The following ABLIM2 variants were observed in gnomAD, a reference collection of about 807,000 sequenced individuals.
ABLIM2 encodes the protein actin-binding LIM protein 2.
Under a neutral mutation model 97.7 loss-of-function variants are expected in ABLIM2, and 53 were observed. That is an observed-to-expected ratio of 0.54 (90% confidence interval 0.44 to 0.68). The LOEUF (loss-of-function observed/expected upper bound fraction) is 0.68, where lower values mean the gene tolerates loss of function less well. ABLIM2 is among the 30% of genes least tolerant of loss of function. The pLI is 0.00. For missense variants in ABLIM2, 835 were observed against 867.2 expected (o/e 0.96, Z 0.47); for synonymous variants, 361 against 345.8 (o/e 1.04, Z -0.49).
At chr4:8,141,042 C>T (rs555931946) in intron 1 of ABLIM2, among the ~76,000 whole-genome samples, 2 of 152,230 alleles carry the variant, frequency 1.3e-5, no homozygotes, top group South Asian at 4.1e-4. Flanking sequence ...CTGAGCTGCC[C>T]TTGCCTTAGC....
chr4:8,122,105 C>G lies in ABLIM2; in HGVS notation c.11-15468G>C, dbSNP rs1014701861. On this transcript the variant is annotated intron_variant, in intron 1 of 20. Transcript: ENST00000447017. The surrounding 1 kb of genome is among the most constrained non-coding windows in gnomAD (Gnocchi z 4.1). ...AGGCTAGGGGACCTGACAATATGCC[C>G]CCAAGCATATACTGGCCACACCTCA... Among the ~76,000 whole-genome samples, 5 of 152,198 alleles carry G rather than the reference C, an allele frequency of 3.3e-5. No homozygotes were observed. The highest frequency in any genetic ancestry group is 1.2e-4 in the African/African-American group (5 of 41,446).
rs1726984657 is a variant in ABLIM2, at chr4:7,970,525, G to A, written c.1825-3422C>T. On this transcript the variant is annotated intron_variant, in intron 20 of 20. Transcript: ENST00000447017. This position sits in a 1 kb window ranked among gnomAD's most constrained non-coding sequence, Gnocchi z 5.3. ...GCGTGCCCCGCATGCTGGGGAAGGA[G>A]AGAAGGGCAGGCTTGAGGATGACAC... Among the ~76,000 whole-genome samples the A allele has an allele frequency of 6.6e-6, 1 of 151,864 alleles. No individual in the cohort carries two copies. The highest frequency in any genetic ancestry group is 6.6e-5 in the Admixed American group (1 of 15,256).
Position 8,075,743 on chromosome 4 carries a change from T to C in ABLIM2, c.675+1885A>G, listed in dbSNP as rs1815611824. Among the ~76,000 whole-genome samples the C allele has an allele frequency of 6.6e-6, 1 of 152,170 alleles. No homozygotes were observed. The highest frequency in any genetic ancestry group is 1.9e-4 in the East Asian group (1 of 5,200). On this transcript the variant is annotated intron_variant, in intron 6 of 20. Transcript: ENST00000447017. The surrounding 1 kb of genome is among the most constrained non-coding windows in gnomAD (Gnocchi z 4.4). ...ACTTGTGCCCTTTAAATGGGCAAATTGTGAACTCTATCTCAATGAAGCTAT... is the reference window on the plus strand; with the variant it reads ...ACTTGTGCCCTTTAAATGGGCAAATCGTGAACTCTATCTCAATGAAGCTAT...
Position 8,129,887 on chromosome 4 carries a change from T to A in ABLIM2, c.11-23250A>T, listed in dbSNP as rs532582476. On this transcript the variant is annotated intron_variant, in intron 1 of 20. Transcript: ENST00000447017. ...GCAGTCTGGAGAGTTCTGTACCTAATCCTGAGAGGAGACCTCTTCCATGCT... is the reference window on the plus strand; with the variant it reads ...GCAGTCTGGAGAGTTCTGTACCTAAACCTGAGAGGAGACCTCTTCCATGCT... Among the ~76,000 whole-genome samples, 63 of 152,256 alleles carry A rather than the reference T, an allele frequency of 4.1e-4. No individual in the cohort carries two copies. The South Asian group carries it at 0.013, about 31-fold the overall frequency.
rs185746752 is a variant in ABLIM2 at position 8,070,068 on chromosome 4, T to G, written c.675+7560A>C. 8.5e-5 allele frequency among the ~76,000 whole-genome samples: 13 copies of G among 152,196 alleles called. No individual in the cohort carries two copies. The East Asian group carries it at 2.5e-3, about 29-fold the overall frequency. ...GTGTATGTATCTGTGTATCTGAGTG[T>G]GTCTGTGTCATCTGTGTCTTTCTGT... On this transcript the variant is annotated intron_variant, in intron 6 of 20. Coordinates refer to ENST00000447017, the MANE Select transcript of ABLIM2 (RefSeq NM_001130083.2).
Position 8,088,188 on chromosome 4 carries a change from G to C in ABLIM2, c.435C>G (p.His145Gln). 6.2e-7 allele frequency: 1 copy of C among 1,610,188 alleles called. No homozygotes were observed. The highest frequency in any genetic ancestry group is 8.5e-7 in the Non-Finnish European group (1 of 1,179,210). Residue 145 changes from histidine to glutamine, a missense_variant, in exon 4 of 21, where the codon CAC (histidine) becomes CAG (glutamine). Coordinates refer to ENST00000447017, the MANE Select transcript of ABLIM2 (RefSeq NM_001130083.2). Reference protein sequence around the residue: ...SLPVSVGSSAHLSQGLRSCGG... With the variant: ...SLPVSVGSSAQLSQGLRSCGG... The stretch of plus-strand genomic sequence containing the variant: ...ACTTACTTCGGAGGCCCTGGGACAG[G>C]TGCGCGCTGCTGCCCACCGATACGG...
rs1244664018 is a variant in ABLIM2 at position 8,149,586 on chromosome 4, G to T, written c.10+9094C>A. On this transcript the variant is annotated intron_variant, in intron 1 of 20. Transcript: ENST00000447017. The surrounding 1 kb of genome is among the most constrained non-coding windows in gnomAD (Gnocchi z 6.4). ...GTCCGGCAGAGCCTTGAAAGGGAGA[G>T]GAGGAGGGACTCCAGGGGAGCGGGG... Among the ~76,000 whole-genome samples the T allele has an allele frequency of 6.6e-6, 1 of 151,916 alleles. No individual in the cohort carries two copies. The highest frequency in any genetic ancestry group is 1.5e-5 in the Non-Finnish European group (1 of 67,974).
intron 8 of ABLIM2, among the ~76,000 whole-genome samples, chr4:8,047,976 C>A (rs959764236): frequency 1.3e-5 from 2 of 152,238 alleles, no homozygotes; most frequent in African/African-American, 2.4e-5. Context: ...GTCTCCCAGG[C>A]TCCCGAGGAA....
chr4:8,081,592 T>A (rs1348670080), intron 4 of ABLIM2, among the ~76,000 whole-genome samples: 1 of 152,102 alleles, frequency 6.6e-6, no homozygotes, highest in Non-Finnish European at 1.5e-5. Context: ...GCGGGGTGCG[T>A]GTGAGTGCAT....
chr4:8,137,633 C>A (rs899225663), intron 1 of ABLIM2, among the ~76,000 whole-genome samples: 2 of 152,258 alleles, frequency 1.3e-5, no homozygotes, highest in African/African-American at 2.4e-5. Context: ...CACGTCGCAG[C>A]CCCTCAGCCA....
intron 1 of ABLIM2, among the ~76,000 whole-genome samples, chr4:8,121,014 C>T (rs928648065): frequency 1.3e-5 from 2 of 152,162 alleles, no homozygotes; most frequent in African/African-American, 2.4e-5. Context: ...AATCAAAAAA[C>T]GATAGTCCAA....
rs1298761814 is a variant in ABLIM2 at position 7,986,723 on chromosome 4, A to C, written c.1681-1830T>G. ...AGTCTTGCTCTGTCAGCCAAGCTGGAGTGCAATGGCGTGATCTCGGCTCAA... is the reference window on the plus strand; with the variant it reads ...AGTCTTGCTCTGTCAGCCAAGCTGGCGTGCAATGGCGTGATCTCGGCTCAA... On this transcript the variant is annotated intron_variant, in intron 17 of 20. Coordinates refer to ENST00000447017, the MANE Select transcript of ABLIM2 (RefSeq NM_001130083.2). The surrounding 1 kb of genome is among the most constrained non-coding windows in gnomAD (Gnocchi z 4.3). Among the ~76,000 whole-genome samples, 3 of 152,092 alleles carry C rather than the reference A, an allele frequency of 2.0e-5. No individual in the cohort carries two copies. Among genetic ancestry groups the C allele is most frequent in the Non-Finnish European group, 4.4e-5 (3 of 68,024 alleles).
At chr4:8,119,650 C>T (rs768236801) in intron 1 of ABLIM2, among the ~76,000 whole-genome samples, 4 of 152,168 alleles carry the variant, frequency 2.6e-5, no homozygotes, top group Non-Finnish European at 5.9e-5. Flanking sequence ...ACTAAACAAT[C>T]TTAAAATCAC....
At chr4:7,978,266 T>C (rs1735148528) in intron 20 of ABLIM2, among the ~76,000 whole-genome samples, 2 of 152,112 alleles carry the variant, frequency 1.3e-5, no homozygotes, top group Non-Finnish European at 2.9e-5. Context: ...TGTAGTAACA[T>C]TTCCAGTTGC....
In ABLIM2 at chr4:8,021,910, G is replaced by A. The variant is rs959013946; in HGVS notation, c.1268-1607C>T. Among the ~76,000 whole-genome samples, 1 of 152,192 alleles carries A rather than the reference G, an allele frequency of 6.6e-6. No individual in the cohort carries two copies. Among genetic ancestry groups the A allele is most frequent in the African/African-American group, 2.4e-5 (1 of 41,436 alleles). On this transcript the variant is annotated intron_variant, in intron 12 of 20. Coordinates refer to ENST00000447017, the MANE Select transcript of ABLIM2 (RefSeq NM_001130083.2). This position sits in a 1 kb window ranked among gnomAD's most constrained non-coding sequence, Gnocchi z 5.5. ...CATGGAACCTTCTAGAGCCTCAGTT[G>A]GCTCTACAGGTGCCCTTGCTGGCCG... is the stretch of plus-strand genomic sequence containing the variant.
rs1478792721 is a variant in ABLIM2, at chr4:8,061,674, C to G, written c.676-620G>C. 6.6e-6 allele frequency among the ~76,000 whole-genome samples: 1 copy of G among 151,774 alleles called. No individual in the cohort carries two copies. The highest frequency in any genetic ancestry group is 1.9e-4 in the East Asian group (1 of 5,186). On this transcript the variant is annotated intron_variant, in intron 6 of 20. Transcript: ENST00000447017. The surrounding 1 kb of genome is among the most constrained non-coding windows in gnomAD (Gnocchi z 4.5). ...GGAGCAAAAAAAAAAAAAATCACCC[C>G]GAAATGCTCCCTTTACCCCCACGTT...
chr4:7,966,696 G>T lies in ABLIM2; in HGVS notation c.*294C>A. 3 of 379,758 alleles carry T rather than the reference G, an allele frequency of 7.9e-6. No homozygotes were observed. The highest frequency in any genetic ancestry group is 9.6e-6 in the Non-Finnish European group (2 of 208,052). 23.5% of individuals were successfully genotyped at this position (379,758 alleles called of 1,614,324 possible). A position where few individuals can be genotyped will look rare whatever the true frequency, so the allele number is the denominator to read the frequency against. On this transcript the variant is annotated 3_prime_UTR_variant, in exon 21 of 21. Coordinates refer to ENST00000447017, the MANE Select transcript of ABLIM2 (RefSeq NM_001130083.2). ...CGAGAACGCTGGGAAGGTGGGCTGG[G>T]CTGCAGCCACCTGTGTGCTCCATCT...
Position 8,072,065 on chromosome 4 carries a change from A to T in ABLIM2, c.675+5563T>A. ...GCTCAGAGCTGTGCAGAGCCCGCCG[A>T]CTCAGCCACGCCGCCACAGACTCGC... On this transcript the variant is annotated intron_variant, in intron 6 of 20. Transcript: ENST00000447017. This position sits in a 1 kb window ranked among gnomAD's most constrained non-coding sequence, Gnocchi z 5.8. 1.0e-6 allele frequency: 1 copy of T among 985,268 alleles called. No homozygotes were observed. The highest frequency in any genetic ancestry group is 1.2e-6 in the Non-Finnish European group (1 of 829,934). The allele number at this position is 985,268 out of a possible 1,614,324, so 61.0% of individuals were successfully genotyped here.
intron 16 of ABLIM2, 130 bp from the exon 17 acceptor site, chr4:7,993,057 C>T: frequency 1.1e-6 from 1 of 871,702 alleles, no homozygotes. Context: ...CCCCTGAGGA[C>T]CATGACCTGC....
Sources: allele counts gnomAD v4.1 joint callset (sites outside exome capture counted in the v4.1 genomes callset), GRCh38; gene constraint gnomAD v4.1.1; non-coding constraint Gnocchi (gnomAD v3.1); transcripts MANE v1.5; gene names NCBI Gene and HGNC (gene_info 2026-07-23, HGNC 2026-07-21).